Variants in KDM7A observed in about 807,000 individuals in gnomAD.
The protein encoded by KDM7A is lysine-specific demethylase 7A.
KDM7A carries 28 observed loss-of-function variants against 114.8 expected under a neutral mutation model. That is an observed-to-expected ratio of 0.24 (90% CI 0.18 to 0.33). The LOEUF is 0.33. Among genes scored for constraint, KDM7A ranks in the 10% least tolerant of loss-of-function variants. The pLI, the probability that KDM7A is intolerant of heterozygous loss-of-function variation, is 1.00. For missense variants in KDM7A, 942 were observed against 1,142.5 expected, an observed-to-expected ratio of 0.82 and a Z score of 2.53; for synonymous variants, 423 against 397.8, an observed-to-expected ratio of 1.06 and a Z score of -0.75.
At chr7:140,092,969 AG>A (rs1237516695) in intron 18 of KDM7A, among the ~76,000 whole-genome samples, 3 of 152,226 alleles carry the variant, frequency 2.0e-5, no homozygotes, top group Admixed American at 1.3e-4. Context: ...TTCTAGTCAA[AG>A]AACGTATACT....
At chr7:140,172,801 A>C (rs1794660378) in intron 1 of KDM7A, among the ~76,000 whole-genome samples, 1 of 152,238 alleles carries the variant, frequency 6.6e-6, no homozygotes, top group African/African-American at 2.4e-5. Flanking sequence ...ATCAATGACA[A>C]AAGGTAACAT....
chr7:140,135,695 CATGT>C (rs1057299575), intron 2 of KDM7A, among the ~76,000 whole-genome samples: 7 of 152,050 alleles, frequency 4.6e-5, no homozygotes, highest in East Asian at 1.9e-4. Flanking sequence ...AGTTGAAATT[CATGT>C]TTGTATATAT....
intron 18 of KDM7A, 183 bp from the exon 19 acceptor site, chr7:140,092,260 C>G: frequency 1.6e-6 from 1 of 610,594 alleles, no homozygotes; most frequent in South Asian, 2.0e-5. Flanking sequence ...CTGAAGGACT[C>G]GGGTCTTTAA....
intron 11 of KDM7A, among the ~76,000 whole-genome samples, chr7:140,105,487 T>G (rs1036647597): frequency 6.6e-6 from 1 of 152,376 alleles, no homozygotes; most frequent in Admixed American, 6.5e-5. Flanking sequence ...ATTAAGAGTT[T>G]TTAGCATGAA....
intron 9 of KDM7A, 72 bp downstream of exon 9, chr7:140,119,041 G>C: frequency 1.2e-6 from 1 of 836,182 alleles, no homozygotes. Context: ...GACTCTTTCT[G>C]TCAGGTGGCT....
chr7:140,175,676 G>A (rs1019679494), intron 1 of KDM7A, among the ~76,000 whole-genome samples: 1 of 152,170 alleles, frequency 6.6e-6, no homozygotes, highest in Non-Finnish European at 1.5e-5. Flanking sequence ...CAAAACACAC[G>A]AGTCGGCGGC....
At chr7:140,114,293 G>A (rs894846854) in intron 9 of KDM7A, among the ~76,000 whole-genome samples, 3 of 151,106 alleles carry the variant, frequency 2.0e-5, no homozygotes, top group Admixed American at 6.6e-5. Flanking sequence ...TCAGCCTGCC[G>A]AGTGCCTGGG....
In KDM7A at chr7:140,171,625, A is replaced by G. The variant is rs539670479; in HGVS notation, c.194+5119T>C. Among the ~76,000 whole-genome samples, 128 of 145,150 alleles carry G rather than the reference A, an allele frequency of 8.8e-4. 1 individual carries two copies. In the South Asian group the frequency reaches 0.025, roughly 29 times the overall value. ...TATATATTTATATTTTTACATATTT[A>G]TAAATATATATTTATTTTATATATA... On this transcript the variant is annotated intron_variant, in intron 1 of 19. Coordinates refer to ENST00000397560, the MANE Select transcript of KDM7A (RefSeq NM_030647.2).
Position 140,118,631 on chromosome 7 carries a change from G to C in KDM7A, c.1246+482C>G, listed in dbSNP as rs371279840. On this transcript the variant is annotated intron_variant, in intron 9 of 19. Coordinates refer to ENST00000397560, the MANE Select transcript of KDM7A (RefSeq NM_030647.2). ...AGGATTTCACCATGTTGGCCAGGTT[G>C]GTCTTGAACTCCTGACCTCAGGTGA... Among the ~76,000 whole-genome samples, 16 of 150,750 alleles carry C rather than the reference G, an allele frequency of 1.1e-4. No individual in the cohort carries two copies. In the East Asian group the frequency reaches 1.8e-3, roughly 16 times the overall value.
At chr7:140,109,179 T>C (rs1292359272) in intron 11 of KDM7A, among the ~76,000 whole-genome samples, 2 of 152,184 alleles carry the variant, frequency 1.3e-5, no homozygotes, top group Non-Finnish European at 2.9e-5. Flanking sequence ...ACGGCTTCCC[T>C]TAGCTAGGAA....
chr7:140,154,732 TTC>T (rs779082288), intron 1 of KDM7A, among the ~76,000 whole-genome samples: 7 of 151,558 alleles, frequency 4.6e-5, no homozygotes, highest in African/African-American at 7.3e-5. Flanking sequence ...CCTCGGGTCT[TTC>T]TCTCTCTCTC....
At chr7:140,141,893 CA>C (rs973122584) in intron 1 of KDM7A, among the ~76,000 whole-genome samples, 1 of 142,516 alleles carries the variant, frequency 7.0e-6, no homozygotes, top group Non-Finnish European at 1.5e-5. Flanking sequence ...GACTCTGTCT[CA>C]AAAAAAAAGA....
At chr7:140,171,557 A>G (rs1562962719) in intron 1 of KDM7A, among the ~76,000 whole-genome samples, 1 of 108,344 alleles carries the variant, frequency 9.2e-6, no homozygotes, top group African/African-American at 3.7e-5. Flanking sequence ...ATATATATTT[A>G]TTTTTATATA....
At chr7:140,114,214 C>A (rs1040448106) in intron 9 of KDM7A, among the ~76,000 whole-genome samples, 1 of 152,122 alleles carries the variant, frequency 6.6e-6, no homozygotes. Flanking sequence ...CCCTCTGATG[C>A]CAAGCGGAAG....
At chr7:140,100,681 C>CATATAT (rs1318217688) in intron 12 of KDM7A, among the ~76,000 whole-genome samples, 11 of 44,342 alleles carry the variant, frequency 2.5e-4, no homozygotes, top group African/African-American at 5.7e-4. Flanking sequence ...TATATATATA[C>CATATAT]ATATATACAT....
At chr7:140,102,599 C>A (rs1020591197) in intron 11 of KDM7A, among the ~76,000 whole-genome samples, 1 of 152,286 alleles carries the variant, frequency 6.6e-6, no homozygotes, top group African/African-American at 2.4e-5. Context: ...TCTTGAACTC[C>A]TGAGCTCAGG....
At chr7:140,146,800 G>C (rs1174265373) in intron 1 of KDM7A, among the ~76,000 whole-genome samples, 1 of 152,108 alleles carries the variant, frequency 6.6e-6, no homozygotes, top group African/African-American at 2.4e-5. Context: ...TGCTTAGCTG[G>C]CATTTTTTTC....
intron 7 of KDM7A, among the ~76,000 whole-genome samples, chr7:140,121,657 G>A (rs185557740): frequency 1.1e-4 from 16 of 152,306 alleles, no homozygotes; most frequent in Admixed American, 7.2e-4. Context: ...GGAGCCAGGA[G>A]TACAATATGT....
chr7:140,152,623 C>CAAAA (rs35127641), intron 1 of KDM7A, among the ~76,000 whole-genome samples: 1 of 128,936 alleles, frequency 7.8e-6, no homozygotes, highest in African/African-American at 2.9e-5. Context: ...GACTCCGTTT[C>CAAAA]AAAAAAAAAA....
Sources: gnomAD v4.1 joint callset for allele counts (sites outside exome capture counted in the v4.1 genomes callset) on GRCh38, gnomAD v4.1.1 for gene constraint, MANE v1.5 for transcripts, NCBI Gene and HGNC (gene_info 2026-07-23, HGNC 2026-07-21) for gene names.